PLXDC2: variants seen among roughly 807,000 people sequenced by gnomAD.
PLXDC2 encodes the protein plexin domain containing 2, also known as plexin domain-containing protein 2.
In PLXDC2, 40 loss-of-function variants were observed where a neutral mutation model predicts 68.9. The ratio of observed to expected loss-of-function variants is 0.58; its 90% CI spans 0.45 to 0.76. The LOEUF is 0.76. Among genes scored for constraint, PLXDC2 ranks in the 30% least tolerant of loss-of-function variants. The probability of loss-of-function intolerance (pLI) is 0.00; values close to 1 mark genes in which losing one functional copy is unlikely to be tolerated. For missense variants in PLXDC2, 644 were observed against 661.9 expected, an observed-to-expected ratio of 0.97 and a Z score of 0.30; for synonymous variants, 243 against 234.2, an observed-to-expected ratio of 1.04 and a Z score of -0.34.
rs1241229859 is a variant in PLXDC2, at chr10:20,285,758, A to G, written c.*5939A>G. The G allele has an allele frequency of 6.6e-6, 1 of 152,180 alleles. No homozygotes were observed. Among genetic ancestry groups the G allele is most frequent in the East Asian group, 1.9e-4 (1 of 5,182 alleles). The allele number at this position is 152,180 out of a possible 1,614,324, so 9.4% of individuals were successfully genotyped here. A position where few individuals can be genotyped will look rare whatever the true frequency, so the allele number is the denominator to read the frequency against. ...GGTATTCAGAAACACCAGTGTATCA[A>G]AAAAGCATTTGCACTTTAGGTGTGT... On this transcript the variant is annotated 3_prime_UTR_variant, in exon 14 of 14. Coordinates refer to ENST00000377252, the MANE Select transcript of PLXDC2 (RefSeq NM_032812.9).
At chr10:19,862,233 A>G (rs188714011) in intron 1 of PLXDC2, among the ~76,000 whole-genome samples, 1 of 152,226 alleles carries the variant, frequency 6.6e-6, no homozygotes, top group Non-Finnish European at 1.5e-5. Context: ...TGAATCAGTT[A>G]CATTCTCTAA....
chr10:19,990,583 A>G (rs1325093052), intron 1 of PLXDC2, among the ~76,000 whole-genome samples: 5 of 152,214 alleles, frequency 3.3e-5, no homozygotes, highest in Admixed American at 2.6e-4. Context: ...ATCTCATTTT[A>G]GTGCTTAATT....
At chr10:19,844,606 C>CT (rs200311959) in intron 1 of PLXDC2, among the ~76,000 whole-genome samples, 68 of 147,008 alleles carry the variant, frequency 4.6e-4, no homozygotes, top group Admixed American at 7.4e-4. Flanking sequence ...ATTTTTTTTT[C>CT]TTTTTTCTTT....
chr10:20,188,329 G>A (rs1296657031), intron 9 of PLXDC2, among the ~76,000 whole-genome samples: 1 of 150,962 alleles, frequency 6.6e-6, no homozygotes, highest in Non-Finnish European at 1.5e-5. Flanking sequence ...AACATTTTTA[G>A]CTTCCATGTG....
At chr10:20,122,471 C>G (rs2944446) in intron 4 of PLXDC2, among the ~76,000 whole-genome samples, 139,308 of 152,224 alleles carry the variant, frequency 0.92, 63,898 homozygotes, top group African/African-American at 0.94. Flanking sequence ...AGAGAGCCTT[C>G]GGCCAGAGTT....
At chr10:20,059,244 G>A (rs1158634442) in intron 3 of PLXDC2, among the ~76,000 whole-genome samples, 1 of 152,130 alleles carries the variant, frequency 6.6e-6, no homozygotes, top group African/African-American at 2.4e-5. Context: ...ATAAAATCCT[G>A]TCACACTCTC....
intron 1 of PLXDC2, among the ~76,000 whole-genome samples, chr10:19,867,129 G>C (rs112981929): frequency 6.9e-6 from 1 of 144,396 alleles, no homozygotes. Flanking sequence ...GCAATGTTGC[G>C]ATCTTGGCTC....
intron 1 of PLXDC2, among the ~76,000 whole-genome samples, chr10:19,873,750 A>G (rs958713955): frequency 2.0e-5 from 3 of 152,216 alleles, no homozygotes; most frequent in Non-Finnish European, 2.9e-5. Context: ...ATGATAAGAA[A>G]TTCCATTTCA....
chr10:20,158,800 T>C (rs576267145), intron 6 of PLXDC2, among the ~76,000 whole-genome samples: 40 of 152,152 alleles, frequency 2.6e-4, no homozygotes, highest in Non-Finnish European at 4.9e-4. Flanking sequence ...TAGGAAAATA[T>C]CAGGTGTGGA....
intron 9 of PLXDC2, among the ~76,000 whole-genome samples, chr10:20,207,940 A>G (rs1835015098): frequency 6.6e-6 from 1 of 152,136 alleles, no homozygotes; most frequent in South Asian, 2.1e-4. Flanking sequence ...TGTTCATCCC[A>G]TGGTGCATAA....
intron 1 of PLXDC2, among the ~76,000 whole-genome samples, chr10:19,903,920 G>T (rs1432599670): frequency 3.3e-5 from 5 of 151,728 alleles, no homozygotes; most frequent in Non-Finnish European, 4.4e-5. Context: ...TTTAATTTTT[G>T]TCTTAATTTC....
At position 19,928,749 on chromosome 10, in the gene PLXDC2, CTT is replaced by C. The variant is rs796581734; in HGVS notation, c.113-73004_113-73003del. Among the ~76,000 whole-genome samples, 196 of 105,178 alleles carry C rather than the reference CTT, an allele frequency of 1.9e-3. 1 individual carries two copies. Among genetic ancestry groups the C allele is most frequent in the Non-Finnish European group, 2.6e-3 (134 of 51,246 alleles). 69.0% of individuals were successfully genotyped at this position (105,178 alleles called of 152,430 possible). A position where few individuals can be genotyped will look rare whatever the true frequency, so the allele number is the denominator to read the frequency against. ...TTCGGTGATGGAAGGGAAGATAGGA[CTT>C]TTTTTTTTTTTTTTTTTTTTTGAAA... is the stretch of plus-strand genomic sequence containing the variant. On this transcript the variant is annotated intron_variant, in intron 1 of 13. Coordinates refer to ENST00000377252, the MANE Select transcript of PLXDC2 (RefSeq NM_032812.9).
At chr10:19,878,386 T>G (rs186832433) in intron 1 of PLXDC2, among the ~76,000 whole-genome samples, 5 of 152,306 alleles carry the variant, frequency 3.3e-5, no homozygotes, top group East Asian at 3.9e-4. Context: ...AAAAGCTTAT[T>G]GCCATCTCGT....
chr10:19,849,523 A>T (rs1042676030), intron 1 of PLXDC2, among the ~76,000 whole-genome samples: 1 of 152,076 alleles, frequency 6.6e-6, no homozygotes, highest in Non-Finnish European at 1.5e-5. Context: ...CTTCATGTGA[A>T]CTCATTCACT....
rs370324320 is a variant in PLXDC2 at position 20,062,831 on chromosome 10, G to A, written c.472-5339G>A. Among the ~76,000 whole-genome samples, 7 of 152,102 alleles carry A rather than the reference G, an allele frequency of 4.6e-5. No individual in the cohort carries two copies. In the East Asian group the frequency reaches 7.7e-4, roughly 17 times the overall value. ...TTTATTGAATCATTTTTATGTATTA[G>A]AGATGTAAATCTTACCAGAAATAAG... On this transcript the variant is annotated intron_variant, in intron 3 of 13. Transcript: ENST00000377252.
intron 3 of PLXDC2, among the ~76,000 whole-genome samples, chr10:20,050,050 A>G (rs1187118654): frequency 6.6e-6 from 1 of 152,154 alleles, no homozygotes; most frequent in Admixed American, 6.6e-5. Context: ...GCCCAGAAAT[A>G]AGGCCACATA....
At chr10:20,016,972 C>G (rs1835222932) in intron 2 of PLXDC2, among the ~76,000 whole-genome samples, 1 of 152,214 alleles carries the variant, frequency 6.6e-6, no homozygotes, top group Admixed American at 6.5e-5. Context: ...CCACATTGGT[C>G]TTTTTGCTTC....
intron 12 of PLXDC2, among the ~76,000 whole-genome samples, chr10:20,224,865 ATATT>A (rs1474394447): frequency 6.6e-6 from 1 of 152,178 alleles, no homozygotes; most frequent in Non-Finnish European, 1.5e-5. Context: ...ATTGTTGATA[ATATT>A]TAAAGTATCA....
At chr10:19,822,416 A>G (rs1457185781) in intron 1 of PLXDC2, among the ~76,000 whole-genome samples, 1 of 152,042 alleles carries the variant, frequency 6.6e-6, no homozygotes, top group Admixed American at 6.6e-5. Context: ...GCTATTGTGA[A>G]TAATGCTTCA....
Sources: allele counts gnomAD v4.1 joint callset (sites outside exome capture counted in the v4.1 genomes callset), GRCh38; gene constraint gnomAD v4.1.1; transcripts MANE v1.5; gene names NCBI Gene and HGNC (gene_info 2026-07-23, HGNC 2026-07-21).